NDUFA9: variants seen among roughly 807,000 people sequenced by gnomAD.
The protein encoded by NDUFA9 is NADH:ubiquinone oxidoreductase subunit A9, also known as NADH dehydrogenase [ubiquinone] 1 alpha subcomplex subunit 9, mitochondrial.
Under a neutral mutation model 45.9 loss-of-function variants are expected in NDUFA9, and 23 were observed. The ratio of observed to expected loss-of-function variants is 0.50; its 90% CI spans 0.36 to 0.71. NDUFA9 has a LOEUF of 0.71. NDUFA9 is among the 30% of genes least tolerant of loss of function. The pLI is 0.00. For synonymous variants in NDUFA9, 176 were observed against 170.5 expected, an observed-to-expected ratio of 1.03 and a Z score of -0.25; for missense variants, 466 against 488.2, an observed-to-expected ratio of 0.95 and a Z score of 0.43.
At position 4,659,166 on chromosome 12, in the gene NDUFA9, T is replaced by C. The variant is rs1317953902; in HGVS notation, c.541T>C (p.Leu181=). The C allele has an allele frequency of 4.3e-6, 7 of 1,611,302 alleles. No homozygotes were observed. The highest frequency in any genetic ancestry group is 2.2e-5 in the East Asian group (1 of 44,850). ...NANIKSSSRY[L]RNKAVGEKVV... Reference sequence around the variant, plus strand: ...GAATATTAAAAGCTCTTCTAGATATTTGAGAAATAAGGTAAGTAACAAATT... The same window carrying C: ...GAATATTAAAAGCTCTTCTAGATATCTGAGAAATAAGGTAAGTAACAAATT... The change falls in exon 5 of 11, where the codon TTG becomes CTG. Residue 181 remains leucine, a synonymous_variant. Coordinates refer to ENST00000266544, the MANE Select transcript of NDUFA9 (RefSeq NM_005002.5).
At chr12:4,660,188 C>T (rs1945815771) in intron 5 of NDUFA9, among the ~76,000 whole-genome samples, 2 of 152,152 alleles carry the variant, frequency 1.3e-5, no homozygotes, top group African/African-American at 4.8e-5. Flanking sequence ...GCCTTAGTTG[C>T]ACATTAAAAC....
At chr12:4,685,389 T>C in intron 10 of NDUFA9, 64 bp downstream of exon 10, 1 of 1,456,514 alleles carries the variant, frequency 6.9e-7, no homozygotes, top group African/African-American at 1.4e-5. Flanking sequence ...TATTTTGCTT[T>C]GCCTGCTTGC....
intron 5 of NDUFA9, among the ~76,000 whole-genome samples, chr12:4,660,767 A>G (rs1945818819): frequency 6.6e-6 from 1 of 152,148 alleles, no homozygotes; most frequent in African/African-American, 2.4e-5. Context: ...AGTCAAGCAA[A>G]TGTTAACTGT....
Position 4,654,415 on chromosome 12 carries a change from T to C in NDUFA9, c.173T>C (p.Val58Ala). 1 of 1,614,158 alleles carries C rather than the reference T, an allele frequency of 6.2e-7. No homozygotes were observed. The highest frequency in any genetic ancestry group is 1.6e-4 in the Middle Eastern group (1 of 6,062). ...TCAGTCAGTGGGATTGTGGCCACTGTGTTTGGAGCAACAGGATTCCTGGGG... is the reference window on the plus strand; with the variant it reads ...TCAGTCAGTGGGATTGTGGCCACTGCGTTTGGAGCAACAGGATTCCTGGGG... ...RSSVSGIVAT[V>A]FGATGFLGRY... The change falls in exon 2 of 11, where the codon GTG becomes GCG. Residue 58 changes from valine (V) to alanine (A), a missense_variant. Transcript: ENST00000266544.
At chr12:4,676,566 A>T (rs956296336) in intron 8 of NDUFA9, among the ~76,000 whole-genome samples, 4 of 152,222 alleles carry the variant, frequency 2.6e-5, no homozygotes, top group African/African-American at 2.4e-5. Context: ...AGAATAAAAT[A>T]TCTAGGAATC....
chr12:4,694,185 A>G lies in NDUFA9; in HGVS notation c.*7077A>G, dbSNP rs1008333974. 6.6e-6 allele frequency: 1 copy of G among 152,200 alleles called. No individual in the cohort carries two copies. The highest frequency in any genetic ancestry group is 2.4e-5 in the African/African-American group (1 of 41,446). The allele number at this position is 152,200 out of a possible 1,614,324, so 9.4% of individuals were successfully genotyped here. A position where few individuals can be genotyped will look rare whatever the true frequency, so the allele number is the denominator to read the frequency against. On this transcript the variant is annotated 3_prime_UTR_variant, in exon 11 of 11. Transcript: ENST00000266544. ...ACGTGTACATTGTGTCTTAGCGTAGATTCACCCGACCTCCTTCCCCAGTTT... is the reference window on the plus strand; with the variant it reads ...ACGTGTACATTGTGTCTTAGCGTAGGTTCACCCGACCTCCTTCCCCAGTTT...
At chr12:4,651,849 C>T (rs1037911950) in intron 1 of NDUFA9, among the ~76,000 whole-genome samples, 3 of 152,178 alleles carry the variant, frequency 2.0e-5, no homozygotes, top group Non-Finnish European at 4.4e-5. Context: ...AAACTTTCCA[C>T]GTAATTTGCT....
intron 3 of NDUFA9, among the ~76,000 whole-genome samples, chr12:4,656,727 T>G (rs1052838496): frequency 6.6e-6 from 1 of 152,268 alleles, no homozygotes; most frequent in African/African-American, 2.4e-5. Flanking sequence ...TATATTTCAC[T>G]TAATCGTCAT....
chr12:4,659,353 C>T (rs1280150285), intron 5 of NDUFA9, among the ~76,000 whole-genome samples, 176 bp downstream of exon 5: 2 of 141,108 alleles, frequency 1.4e-5, no homozygotes, highest in Non-Finnish European at 3.2e-5. Context: ...TGATTGATTG[C>T]CTTCTGTTTG....
At position 4,654,358 on chromosome 12, in the gene NDUFA9, C is replaced by A; in HGVS notation, c.116C>A (p.Ala39Asp). 6.2e-7 allele frequency: 1 copy of A among 1,614,140 alleles called. No homozygotes were observed. Among genetic ancestry groups the A allele is most frequent in the Non-Finnish European group, 8.5e-7 (1 of 1,180,002 alleles). Reference protein sequence around the residue: ...HGPPCRQLHHALMPHGKGGRS... With the variant: ...HGPPCRQLHHDLMPHGKGGRS... ...CCACCCTGTCGCCAGCTTCATCATGCCCTCATGCCTCATGGGAAAGGTGGA... is the reference window on the plus strand; with the variant it reads ...CCACCCTGTCGCCAGCTTCATCATGACCTCATGCCTCATGGGAAAGGTGGA... Residue 39 changes from alanine to aspartate, a missense_variant, in exon 2 of 11, where the codon GCC becomes GAC. Physicochemically the swap from Ala to Asp is moderately radical, Grantham distance 126. Transcript: ENST00000266544.
At position 4,693,995 on chromosome 12, in the gene NDUFA9, GA is replaced by G. The variant is rs1176839780; in HGVS notation, c.*6888del. The G allele has an allele frequency of 1.3e-5, 2 of 152,184 alleles. No individual in the cohort carries two copies. Among genetic ancestry groups the G allele is most frequent in the African/African-American group, 4.8e-5 (2 of 41,436 alleles). 9.4% of individuals were successfully genotyped at this position (152,184 alleles called of 1,614,324 possible). A position where few individuals can be genotyped will look rare whatever the true frequency, so the allele number is the denominator to read the frequency against. On this transcript the variant is annotated 3_prime_UTR_variant, in exon 11 of 11. Coordinates refer to ENST00000266544, the MANE Select transcript of NDUFA9 (RefSeq NM_005002.5). ...GGACTTGGAAATGGAAGTGTAGGGG[GA>G]GATCCCATTGTACTTCAGTGGAAAA...
Position 4,662,581 on chromosome 12 carries a change from G to A in NDUFA9, c.601G>A (p.Val201Ile), listed in dbSNP as rs201865179. Residue 201 changes from valine to isoleucine, a missense_variant, in exon 6 of 11, where the codon GTA (valine) becomes ATA (isoleucine). Val to Ile is a conservative substitution (Grantham distance 29). Coordinates refer to ENST00000266544, the MANE Select transcript of NDUFA9 (RefSeq NM_005002.5). ...AGATGCATTTCCGGAAGCCATTATC[G>A]TAAAGCCGTCGGACATCTTTGGAAG... Reference protein sequence around the residue: ...VRDAFPEAIIVKPSDIFGRED... With the variant: ...VRDAFPEAIIIKPSDIFGRED... 43 of 1,613,944 alleles carry A rather than the reference G, an allele frequency of 2.7e-5. No individual in the cohort carries two copies. The highest frequency in any genetic ancestry group is 9.9e-5 in the South Asian group (9 of 91,076).
intron 4 of NDUFA9, among the ~76,000 whole-genome samples, chr12:4,658,385 A>T (rs911250184): frequency 1.3e-5 from 2 of 152,012 alleles, no homozygotes; most frequent in African/African-American, 4.8e-5. Flanking sequence ...CAAATATTTT[A>T]TAAATTCTTT....
intron 6 of NDUFA9, 32 bp downstream of exon 6, chr12:4,662,667 G>A (rs1276795501): frequency 6.5e-7 from 1 of 1,526,994 alleles, no homozygotes; most frequent in Admixed American, 1.7e-5. Flanking sequence ...TAGAAGAGAG[G>A]GATACTGATT....
At position 4,654,812 on chromosome 12, in the gene NDUFA9, C is replaced by T. The variant is rs367907479; in HGVS notation, c.221-13C>T. ...GTTAATGTTGATCCTTTTTTCAATC[C>T]ATTCTCTTTTAGGACGCATGGGGTC... is the stretch of plus-strand genomic sequence containing the variant. On this transcript the variant is annotated splice_polypyrimidine_tract_variant and intron_variant, in intron 2 of 10. Coordinates refer to ENST00000266544, the MANE Select transcript of NDUFA9 (RefSeq NM_005002.5). 4 of 1,574,500 alleles carry T rather than the reference C, an allele frequency of 2.5e-6. No homozygotes were observed. Among genetic ancestry groups the T allele is most frequent in the South Asian group, 2.3e-5 (2 of 85,840 alleles).
At chr12:4,668,803 C>G (rs1182407023) in intron 7 of NDUFA9, 1 of 388,304 alleles carries the variant, frequency 2.6e-6, no homozygotes, top group East Asian at 4.9e-5. Context: ...ACACAAATTG[C>G]TGTTCTCAAA....
At chr12:4,657,538 T>A (rs1176102092) in intron 3 of NDUFA9, 1 of 534,076 alleles carries the variant, frequency 1.9e-6, no homozygotes, top group African/African-American at 1.9e-5. Flanking sequence ...TAAAGTGTAC[T>A]GTTACCTGTT....
chr12:4,653,334 ACTT>A (rs745954031), intron 1 of NDUFA9, among the ~76,000 whole-genome samples: 1 of 152,166 alleles, frequency 6.6e-6, no homozygotes, highest in Non-Finnish European at 1.5e-5. Context: ...AGGGATAAAA[ACTT>A]CTGGGAAGCA....
chr12:4,654,358 C>T lies in NDUFA9; in HGVS notation c.116C>T (p.Ala39Val), dbSNP rs768493880. Residue 39 changes from alanine to valine, a missense_variant, in exon 2 of 11, where the codon GCC (alanine) becomes GTC (valine). Ala to Val is a moderately conservative substitution (Grantham distance 64). Coordinates refer to ENST00000266544, the MANE Select transcript of NDUFA9 (RefSeq NM_005002.5). The part of the protein sequence containing the change: ...HGPPCRQLHH[A>V]LMPHGKGGRS... Reference sequence around the variant, plus strand: ...CCACCCTGTCGCCAGCTTCATCATGCCCTCATGCCTCATGGGAAAGGTGGA... The same window carrying T: ...CCACCCTGTCGCCAGCTTCATCATGTCCTCATGCCTCATGGGAAAGGTGGA... The T allele has an allele frequency of 5.6e-6, 9 of 1,614,022 alleles. No homozygotes were observed. The East Asian group carries it at 6.7e-5, about 12-fold the overall frequency.
Sources: gnomAD v4.1 joint callset for allele counts (sites outside exome capture counted in the v4.1 genomes callset) on GRCh38, gnomAD v4.1.1 for gene constraint, MANE v1.5 for transcripts, NCBI Gene and HGNC (gene_info 2026-07-23, HGNC 2026-07-21) for gene names.